WWOX: variants seen among roughly 807,000 people sequenced by gnomAD.
WWOX encodes the protein WW domain containing oxidoreductase.
WWOX carries 69 observed loss-of-function variants against 46.2 expected under a neutral mutation model. The observed-to-expected ratio is 1.49, with a 90% CI of 1.23 to 1.82. WWOX has a LOEUF of 1.82. Ranked by LOEUF, WWOX falls within the 40% of genes most tolerant of loss-of-function variation. WWOX has a pLI of 0.00. For missense variants in WWOX, 919 were observed against 542.6 expected (o/e 1.69, Z -6.89); for synonymous variants, 359 against 202.6 (o/e 1.77, Z -6.56).
intron 4 of WWOX, among the ~76,000 whole-genome samples, chr16:78,162,844 A>G (rs1185594724): frequency 6.6e-6 from 1 of 151,898 alleles, no homozygotes; most frequent in Non-Finnish European, 1.5e-5. Context: ...CTTATTTTGT[A>G]GTTTCCTCAA....
At chr16:78,625,091 C>A (rs1409867653) in intron 8 of WWOX, among the ~76,000 whole-genome samples, 1 of 152,198 alleles carries the variant, frequency 6.6e-6, no homozygotes, top group Non-Finnish European at 1.5e-5. Context: ...CATGGCAGGT[C>A]CCAAGCTGTC....
rs148474680 is a variant in WWOX at position 78,411,762 on chromosome 16, C to G, written c.606-13108C>G. 7.8e-4 allele frequency among the ~76,000 whole-genome samples: 118 copies of G among 152,186 alleles called. 2 individuals carry two copies. The highest frequency in any genetic ancestry group is 2.6e-3 in the African/African-American group (110 of 41,532). ...GGTGTGGGCTATTGCAGTGACTACA[C>G]CTAAAAGGAACAGAGCTAGAAACAT... On this transcript the variant is annotated intron_variant, in intron 6 of 8. Coordinates refer to ENST00000566780, the MANE Select transcript of WWOX (RefSeq NM_016373.4).
chr16:79,103,160 A>T (rs114213169), intron 8 of WWOX, among the ~76,000 whole-genome samples: 3,684 of 152,234 alleles, frequency 0.024, 168 homozygotes, highest in African/African-American at 0.084. Flanking sequence ...GCCCGTTTTC[A>T]TCCCTCCTCT....
chr16:78,592,702 G>A (rs1471155223), intron 8 of WWOX, among the ~76,000 whole-genome samples: 2 of 152,158 alleles, frequency 1.3e-5, no homozygotes, highest in African/African-American at 2.4e-5. Flanking sequence ...TGCTAACAAG[G>A]ACCCAAACAT....
At chr16:78,205,341 C>T (rs1304621012) in intron 5 of WWOX, among the ~76,000 whole-genome samples, 1 of 152,114 alleles carries the variant, frequency 6.6e-6, no homozygotes, top group Non-Finnish European at 1.5e-5. Flanking sequence ...TCCACGTATC[C>T]ATATGTCAGT....
intron 6 of WWOX, among the ~76,000 whole-genome samples, chr16:78,421,753 C>T (rs1215468704): frequency 6.6e-6 from 1 of 152,148 alleles, no homozygotes. Context: ...AAAACTTGAT[C>T]TGCTTTTTAC....
intron 8 of WWOX, among the ~76,000 whole-genome samples, chr16:79,054,694 G>T (rs546727425): frequency 3.3e-5 from 5 of 152,082 alleles, no homozygotes; most frequent in Admixed American, 6.5e-5. Context: ...GCGTGGTGTC[G>T]TGTGTCTGTA....
chr16:78,138,382 C>T (rs1461976299), intron 4 of WWOX, among the ~76,000 whole-genome samples: 1 of 137,110 alleles, frequency 7.3e-6, no homozygotes. Flanking sequence ...CTCAGTTGAG[C>T]AGTAAAGATG....
At chr16:78,347,572 C>G (rs548369597) in intron 5 of WWOX, among the ~76,000 whole-genome samples, 1 of 119,514 alleles carries the variant, frequency 8.4e-6, no homozygotes, top group Non-Finnish European at 2.0e-5. Context: ...CTTCCCAGTC[C>G]GAAGCCCAAG....
intron 4 of WWOX, chr16:78,119,197 G>T (rs1235573954): frequency 6.6e-6 from 1 of 152,230 alleles, no homozygotes; most frequent in Non-Finnish European, 1.5e-5. Context: ...CGACTCTTTG[G>T]AGTTAGCAGC....
chr16:78,672,927 C>A (rs1186451946), intron 8 of WWOX, among the ~76,000 whole-genome samples: 2 of 152,230 alleles, frequency 1.3e-5, no homozygotes, highest in African/African-American at 4.8e-5. Context: ...TCCTTCGTCT[C>A]TCTGGCGGTG....
rs796311129 is a variant in WWOX at position 78,735,394 on chromosome 16, A to C, written c.1056+302642A>C. On this transcript the variant is annotated intron_variant, in intron 8 of 8. Transcript: ENST00000566780. ...AGAGATGTCATACACACCACACACA[A>C]ACACACACACACACACACACACACA... 9.3e-3 allele frequency among the ~76,000 whole-genome samples: 1,128 copies of C among 121,318 alleles called. 15 individuals carry two copies. The highest frequency in any genetic ancestry group is 0.061 in the South Asian group (232 of 3,816). 79.6% of individuals were successfully genotyped at this position (121,318 alleles called of 152,430 possible).
intron 8 of WWOX, among the ~76,000 whole-genome samples, chr16:78,694,649 C>G (rs768984368): frequency 6.6e-6 from 1 of 152,176 alleles, no homozygotes; most frequent in Non-Finnish European, 1.5e-5. Context: ...CATGTAAATA[C>G]TGGAAATTAC....
intron 8 of WWOX, among the ~76,000 whole-genome samples, chr16:78,923,179 C>A (rs1002553947): frequency 6.6e-6 from 1 of 151,900 alleles, no homozygotes. Flanking sequence ...CGGGGTTTCT[C>A]CATGTTGGTC....
At chr16:79,106,772 C>T (rs1000987628) in intron 8 of WWOX, 1 of 148,840 alleles carries the variant, frequency 6.7e-6, no homozygotes, top group East Asian at 2.0e-4. Context: ...TTGTGTGCCA[C>T]CATACCCAGA....
intron 8 of WWOX, among the ~76,000 whole-genome samples, chr16:78,925,839 T>C (rs1180864514): frequency 1.3e-5 from 2 of 152,198 alleles, no homozygotes; most frequent in Non-Finnish European, 2.9e-5. Flanking sequence ...GCCCTAGTTC[T>C]AGCCTACCAG....
intron 8 of WWOX, among the ~76,000 whole-genome samples, chr16:78,541,423 G>T (rs1457345281): frequency 2.3e-5 from 3 of 129,292 alleles, no homozygotes; most frequent in African/African-American, 8.8e-5. Flanking sequence ...GCAGTGAGCC[G>T]AGAGCCCGCC....
chr16:78,435,834 G>C (rs1372070493), intron 8 of WWOX, among the ~76,000 whole-genome samples: 1 of 152,170 alleles, frequency 6.6e-6, no homozygotes, highest in Non-Finnish European at 1.5e-5. Flanking sequence ...TGAAAATTGT[G>C]ATACAGGTTA....
chr16:78,466,124 C>A, intron 8 of WWOX, among the ~76,000 whole-genome samples: 1 of 152,038 alleles, frequency 6.6e-6, no homozygotes, highest in East Asian at 1.9e-4. Context: ...CTCCGCCTCC[C>A]AGGTTAATGC....
Sources: gnomAD v4.1 joint callset for allele counts (sites outside exome capture counted in the v4.1 genomes callset) on GRCh38, gnomAD v4.1.1 for gene constraint, MANE v1.5 for transcripts, NCBI Gene and HGNC (gene_info 2026-07-23, HGNC 2026-07-21) for gene names.